LSAMP: variants seen among roughly 807,000 people sequenced by gnomAD.
LSAMP encodes limbic system-associated membrane protein.
A neutral mutation model predicts 38.6 loss-of-function variants in LSAMP; 7 were observed. That is an observed-to-expected ratio of 0.18 (90% CI 0.10 to 0.34). The LOEUF (loss-of-function observed/expected upper bound fraction) is 0.34. LSAMP is among the 10% of genes least tolerant of loss of function. The pLI is 1.00. For synonymous variants in LSAMP, 154 were observed against 166.8 expected (o/e 0.92, Z 0.59); for missense variants, 313 against 420.0 (o/e 0.75, Z 2.23).
intron 3 of LSAMP, among the ~76,000 whole-genome samples, chr3:116,018,496 G>A (rs1175846813): frequency 1.3e-5 from 2 of 151,984 alleles, no homozygotes; most frequent in Non-Finnish European, 2.9e-5. Flanking sequence ...ACTTATATGA[G>A]GAAATTTTAA....
chr3:115,899,683 A>G (rs1936824609), intron 3 of LSAMP, among the ~76,000 whole-genome samples: 1 of 152,184 alleles, frequency 6.6e-6, no homozygotes, highest in African/African-American at 2.4e-5. Context: ...TCTGTTGATT[A>G]GAATGATTTT....
rs1933634407 is a variant in LSAMP, at chr3:115,806,531, T to C, written c.*3786A>G. On this transcript the variant is annotated 3_prime_UTR_variant, in exon 7 of 7. Coordinates refer to ENST00000490035, the MANE Select transcript of LSAMP (RefSeq NM_002338.5). ...TTCATGCTGAGGAGTTTAGCTTTTG[T>C]GTGCAAAGGAGGTAAGTCCATTTTT... 1 of 152,176 alleles carries C rather than the reference T, an allele frequency of 6.6e-6. No homozygotes were observed. The highest frequency in any genetic ancestry group is 1.5e-5 in the Non-Finnish European group (1 of 68,026). The allele number at this position is 152,176 out of a possible 1,614,324, so 9.4% of individuals were successfully genotyped here. A position where few individuals can be genotyped will look rare whatever the true frequency, so the allele number is the denominator to read the frequency against.
At chr3:116,004,837 T>G (rs1006845932) in intron 3 of LSAMP, among the ~76,000 whole-genome samples, 3 of 152,030 alleles carry the variant, frequency 2.0e-5, no homozygotes, top group African/African-American at 7.2e-5. Flanking sequence ...AATTCAAGAT[T>G]TATAGCTGAT....
chr3:116,056,578 T>C (rs538908972), intron 2 of LSAMP, among the ~76,000 whole-genome samples: 9 of 152,314 alleles, frequency 5.9e-5, no homozygotes, highest in Non-Finnish European at 1.2e-4. Flanking sequence ...GGAAAAAGAC[T>C]AGTTCTAATT....
At chr3:115,873,240 T>C (rs535764696) in intron 3 of LSAMP, among the ~76,000 whole-genome samples, 2 of 151,910 alleles carry the variant, frequency 1.3e-5, no homozygotes, top group Non-Finnish European at 2.9e-5. Flanking sequence ...ACTGGTAGCA[T>C]GTACCTGTAA....
chr3:116,358,966 A>G (rs530847812), intron 1 of LSAMP, among the ~76,000 whole-genome samples: 62 of 152,262 alleles, frequency 4.1e-4, no homozygotes, highest in African/African-American at 1.4e-3. Context: ...ATGTGGGCCT[A>G]TTTGCCTTTG....
chr3:116,034,124 A>G (rs1940993920), intron 2 of LSAMP, among the ~76,000 whole-genome samples: 2 of 152,126 alleles, frequency 1.3e-5, no homozygotes, highest in South Asian at 4.1e-4. Flanking sequence ...GAATTAGGAC[A>G]AGATGGTCAT....
chr3:116,309,019 C>A (rs889329088), intron 1 of LSAMP, among the ~76,000 whole-genome samples: 2 of 151,994 alleles, frequency 1.3e-5, no homozygotes, highest in East Asian at 3.9e-4. Flanking sequence ...CATTCTACAG[C>A]AAGGCAGTTG....
chr3:116,097,404 A>G (rs758420340), intron 1 of LSAMP, among the ~76,000 whole-genome samples: 5 of 152,222 alleles, frequency 3.3e-5, no homozygotes, highest in Non-Finnish European at 7.3e-5. Context: ...CCAGCCCCTT[A>G]CTTTATAGTC....
intron 1 of LSAMP, among the ~76,000 whole-genome samples, chr3:116,275,927 A>G (rs990698296): frequency 1.3e-5 from 2 of 152,232 alleles, no homozygotes; most frequent in Non-Finnish European, 2.9e-5. Context: ...GGGTGAAATT[A>G]TGTAAACTTT....
Position 116,131,615 on chromosome 3 carries a change from G to A in LSAMP, c.156-45059C>T, listed in dbSNP as rs180946495. Among the ~76,000 whole-genome samples the A allele has an allele frequency of 3.1e-3, 468 of 152,160 alleles. 1 individual carries two copies. The highest frequency in any genetic ancestry group is 4.7e-3 in the Non-Finnish European group (317 of 67,986). On this transcript the variant is annotated intron_variant, in intron 1 of 6. Coordinates refer to ENST00000490035, the MANE Select transcript of LSAMP (RefSeq NM_002338.5). ...AATAGAAAAGCAAGTAAAGCAAGGC[G>A]TAGAAAAAGTGGTCATCCTACATTT... is the stretch of plus-strand genomic sequence containing the variant.
chr3:116,435,267 T>C (rs544775108), intron 1 of LSAMP, among the ~76,000 whole-genome samples: 4 of 152,302 alleles, frequency 2.6e-5, no homozygotes, highest in African/African-American at 9.6e-5. Context: ...ATCTTGGTAA[T>C]GTGCTCAGGT....
chr3:116,197,163 A>ACACACACACACACACACACACACACACT (rs1268040540), intron 1 of LSAMP, among the ~76,000 whole-genome samples: 3 of 139,088 alleles, frequency 2.2e-5, no homozygotes, highest in African/African-American at 7.8e-5. Flanking sequence ...ACACACACAC[A>ACACACACACACACACACACACACACACT]CTCTCTCTCT....
At chr3:116,203,902 T>G (rs2107596615) in intron 1 of LSAMP, among the ~76,000 whole-genome samples, 1 of 152,326 alleles carries the variant, frequency 6.6e-6, no homozygotes, top group East Asian at 1.9e-4. Flanking sequence ...TTAGACTCCC[T>G]TGGGTATATA....
intron 1 of LSAMP, among the ~76,000 whole-genome samples, chr3:116,399,670 AG>A (rs1455676599): frequency 6.6e-6 from 1 of 152,184 alleles, no homozygotes; most frequent in African/African-American, 2.4e-5. Flanking sequence ...TTCCCTTTTG[AG>A]TCTGCAGGTT....
intron 1 of LSAMP, among the ~76,000 whole-genome samples, chr3:116,373,912 A>G (rs1576172553): frequency 6.6e-6 from 1 of 151,918 alleles, no homozygotes; most frequent in East Asian, 1.9e-4. Context: ...TGGAGAACAT[A>G]CTAGCTGAGT....
intron 2 of LSAMP, among the ~76,000 whole-genome samples, chr3:116,054,854 C>T (rs936956366): frequency 6.6e-5 from 10 of 152,204 alleles, no homozygotes; most frequent in African/African-American, 2.4e-4. Flanking sequence ...CAAAAGTGCC[C>T]TGTGTTTGGG....
At chr3:115,956,558 A>G (rs1217578448) in intron 3 of LSAMP, among the ~76,000 whole-genome samples, 1 of 152,014 alleles carries the variant, frequency 6.6e-6, no homozygotes, top group East Asian at 1.9e-4. Flanking sequence ...GGTAGAAGAT[A>G]CTCATGTTTT....
In LSAMP at chr3:116,104,314, A is replaced by G. The variant is rs190808798; in HGVS notation, c.156-17758T>C. Among the ~76,000 whole-genome samples, 167 of 152,270 alleles carry G rather than the reference A, an allele frequency of 1.1e-3. 2 individuals carry two copies. The highest frequency in any genetic ancestry group is 1.6e-3 in the Admixed American group (24 of 15,298). ...GTAGCCTGTTAGCCCCAAGCAAGGAATAAGTGAAGAACACTCTCCATTGTG... is the reference window on the plus strand; with the variant it reads ...GTAGCCTGTTAGCCCCAAGCAAGGAGTAAGTGAAGAACACTCTCCATTGTG... On this transcript the variant is annotated intron_variant, in intron 1 of 6. Transcript: ENST00000490035.
Sources: gnomAD v4.1 joint callset for allele counts (sites outside exome capture counted in the v4.1 genomes callset) on GRCh38, gnomAD v4.1.1 for gene constraint, MANE v1.5 for transcripts, NCBI Gene and HGNC (gene_info 2026-07-23, HGNC 2026-07-21) for gene names.